Variants in NPSR1 observed in about 807,000 individuals in gnomAD.
The protein encoded by NPSR1 is neuropeptide S receptor 1, also known as neuropeptide S receptor.
A neutral mutation model predicts 46.9 loss-of-function variants in NPSR1; 48 were observed. That is an observed-to-expected ratio of 1.02 (90% CI 0.81 to 1.30). The LOEUF (loss-of-function observed/expected upper bound fraction) is 1.30, where lower values mean the gene tolerates loss of function less well. Ranked by LOEUF, NPSR1 falls within the 50% of genes most tolerant of loss-of-function variation. NPSR1 has a pLI of 0.00. For missense variants in NPSR1, 450 were observed against 449.5 expected (o/e 1.00, Z -0.01); for synonymous variants, 176 against 168.1 (o/e 1.05, Z -0.36).
At chr7:34,763,913 T>C (rs886627197) in intron 2 of NPSR1, among the ~76,000 whole-genome samples, 1 of 152,214 alleles carries the variant, frequency 6.6e-6, no homozygotes, top group Admixed American at 6.5e-5. Flanking sequence ...TTAGAAAGAC[T>C]TGACTTTTTT....
intron 2 of NPSR1, among the ~76,000 whole-genome samples, chr7:34,745,213 C>A (rs1160555806): frequency 6.6e-6 from 1 of 152,122 alleles, no homozygotes; most frequent in Non-Finnish European, 1.5e-5. Flanking sequence ...TTCTGGAACT[C>A]CAGTGGGATT....
At chr7:34,845,836 A>G (rs1011286251) in intron 7 of NPSR1, among the ~76,000 whole-genome samples, 2 of 151,932 alleles carry the variant, frequency 1.3e-5, no homozygotes, top group East Asian at 3.9e-4. Context: ...AATGAATGAA[A>G]CTATGCAAGA....
intron 2 of NPSR1, among the ~76,000 whole-genome samples, chr7:34,689,113 C>G (rs1230063840): frequency 6.6e-6 from 1 of 152,164 alleles, no homozygotes; most frequent in Non-Finnish European, 1.5e-5. Context: ...CTTAGTCTAG[C>G]CCACCCATCT....
intron 7 of NPSR1, among the ~76,000 whole-genome samples, chr7:34,845,860 G>C (rs1383999964): frequency 6.6e-6 from 1 of 152,168 alleles, no homozygotes; most frequent in African/African-American, 2.4e-5. Context: ...AAAGGGATTT[G>C]TGCTATTTTC....
intron 8 of NPSR1, among the ~76,000 whole-genome samples, chr7:34,866,561 A>G (rs28406807): frequency 0.19 from 28,224 of 151,132 alleles, 2,909 homozygotes; most frequent in Non-Finnish European, 0.23. Flanking sequence ...CAAGGTCACT[A>G]TGTCTTGCCT....
chr7:34,679,179 A>T (rs2128680148), intron 1 of NPSR1, among the ~76,000 whole-genome samples: 1 of 152,318 alleles, frequency 6.6e-6, no homozygotes, highest in East Asian at 1.9e-4. Flanking sequence ...CAAATGACAA[A>T]GAAAATATTT....
intron 2 of NPSR1, among the ~76,000 whole-genome samples, chr7:34,773,031 AC>A (rs1786761210): frequency 2.0e-5 from 3 of 152,078 alleles, no homozygotes; most frequent in Admixed American, 1.3e-4. Flanking sequence ...GGTGACCAGG[AC>A]CTCCAAGTTG....
chr7:34,787,671 T>C (rs1339173566), intron 3 of NPSR1, among the ~76,000 whole-genome samples: 2 of 152,162 alleles, frequency 1.3e-5, no homozygotes, highest in African/African-American at 4.8e-5. Flanking sequence ...ATTTCAGGGC[T>C]ATTTATTGGC....
chr7:34,679,079 GCATT>G (rs952904008), intron 1 of NPSR1, among the ~76,000 whole-genome samples: 9 of 152,176 alleles, frequency 5.9e-5, no homozygotes, highest in African/African-American at 2.2e-4. Context: ...TAAAAATTAA[GCATT>G]CAATGTCTTA....
At chr7:34,838,119 C>A (rs948240273) in intron 6 of NPSR1, among the ~76,000 whole-genome samples, 1 of 152,150 alleles carries the variant, frequency 6.6e-6, no homozygotes, top group Non-Finnish European at 1.5e-5. Context: ...TGCTCACCAC[C>A]TTCCTCAGCA....
chr7:34,827,650 G>GGGGGGGT, intron 5 of NPSR1, 48 bp downstream of exon 5: 1 of 612,072 alleles, frequency 1.6e-6, no homozygotes, highest in South Asian at 1.5e-5. Context: ...GGGCGGGGGG[G>GGGGGGGT]GCTTTCCTGT....
intron 6 of NPSR1, among the ~76,000 whole-genome samples, chr7:34,836,259 G>A (rs1479945445): frequency 2.6e-5 from 4 of 151,984 alleles, no homozygotes; most frequent in Middle Eastern, 3.4e-3. Context: ...TTAAAAGTTA[G>A]AATATTTGTC....
chr7:34,694,775 T>C (rs1793432803), intron 2 of NPSR1, among the ~76,000 whole-genome samples: 1 of 152,200 alleles, frequency 6.6e-6, no homozygotes, highest in South Asian at 2.1e-4. Context: ...ATTGGCACGA[T>C]CTTGGCTCAC....
chr7:34,827,712 T>C, intron 5 of NPSR1, 110 bp downstream of exon 5: 1 of 770,014 alleles, frequency 1.3e-6, no homozygotes, highest in Non-Finnish European at 2.1e-6. Context: ...CTAGTGCCCT[T>C]GAGGGAACTG....
intron 2 of NPSR1, among the ~76,000 whole-genome samples, chr7:34,685,369 T>A (rs1792875146): frequency 6.6e-6 from 1 of 151,750 alleles, no homozygotes; most frequent in African/African-American, 2.4e-5. Context: ...AGGGAAAGAG[T>A]CCTGTTCTAC....
At chr7:34,703,277 G>C (rs2128697214) in intron 2 of NPSR1, among the ~76,000 whole-genome samples, 1 of 152,320 alleles carries the variant, frequency 6.6e-6, no homozygotes, top group South Asian at 2.1e-4. Flanking sequence ...AGGCTGAGGC[G>C]GGAGAATGGC....
intron 2 of NPSR1, among the ~76,000 whole-genome samples, chr7:34,706,369 CTGT>C: frequency 1.8e-5 from 1 of 54,566 alleles, no homozygotes; most frequent in South Asian, 3.5e-4. Context: ...CTCTAACTGT[CTGT>C]CTATATGTTA....
At chr7:34,805,924 A>T (rs1788676137) in intron 3 of NPSR1, among the ~76,000 whole-genome samples, 1 of 152,098 alleles carries the variant, frequency 6.6e-6, no homozygotes, top group South Asian at 2.1e-4. Flanking sequence ...AGATAGAAAG[A>T]AGCTCAAAAT....
intron 3 of NPSR1, among the ~76,000 whole-genome samples, chr7:34,804,437 A>G (rs1482207027): frequency 1.3e-5 from 2 of 152,132 alleles, no homozygotes; most frequent in African/African-American, 4.8e-5. Flanking sequence ...TGATTTTTCC[A>G]TCAATGGACA....
Sources: allele counts gnomAD v4.1 joint callset (sites outside exome capture counted in the v4.1 genomes callset), GRCh38; gene constraint gnomAD v4.1.1; transcripts MANE v1.5; gene names NCBI Gene and HGNC (gene_info 2026-07-23, HGNC 2026-07-21).